Variants in DOCK5 observed in about 807,000 individuals in gnomAD.
DOCK5 encodes dedicator of cytokinesis protein 5.
DOCK5 carries 142 observed loss-of-function variants against 251.8 expected under a neutral mutation model. The observed-to-expected ratio is 0.56, with a 90% CI of 0.49 to 0.65. DOCK5 has a LOEUF of 0.65. Among genes scored for constraint, DOCK5 ranks in the 30% least tolerant of loss-of-function variants. The pLI is 0.00. For synonymous variants in DOCK5, 842 were observed against 835.5 expected (o/e 1.01, Z -0.13); for missense variants, 2,111 against 2,312.3 (o/e 0.91, Z 1.79).
intron 41 of DOCK5, among the ~76,000 whole-genome samples, chr8:25,389,730 C>A (rs1373515183): frequency 1.3e-5 from 2 of 152,142 alleles, no homozygotes; most frequent in African/African-American, 4.8e-5. Flanking sequence ...ATAAGAATAT[C>A]CCTCATGTAG....
At chr8:25,400,100 T>C (rs1801412030) in intron 46 of DOCK5, 106 bp downstream of exon 46, 2 of 870,018 alleles carry the variant, frequency 2.3e-6, no homozygotes, top group South Asian at 1.6e-5. Context: ...CTTTTCTTTC[T>C]TTTTTTAACC....
At chr8:25,324,858 C>A (rs1805522238) in intron 17 of DOCK5, among the ~76,000 whole-genome samples, 1 of 142,980 alleles carries the variant, frequency 7.0e-6, no homozygotes, top group African/African-American at 2.6e-5. Context: ...CATGTGTTCT[C>A]ATTGTTCAAT....
At chr8:25,376,873 C>T (rs2659584) in intron 37 of DOCK5, 149,287 of 152,806 alleles carry the variant, frequency 0.98, 73,011 homozygotes, top group Middle Eastern at 1. Context: ...ATTAATTGTT[C>T]TTCCTGCTGC....
intron 20 of DOCK5, 142 bp from the exon 21 acceptor site, chr8:25,333,954 C>T: frequency 1.5e-6 from 1 of 649,678 alleles, no homozygotes; most frequent in Non-Finnish European, 2.8e-6. Context: ...CAAGACTTGA[C>T]ATCAGCTCTG....
chr8:25,229,049 A>G (rs1428649052), intron 1 of DOCK5, among the ~76,000 whole-genome samples: 1 of 151,020 alleles, frequency 6.6e-6, no homozygotes, highest in Non-Finnish European at 1.5e-5. Context: ...TGGGCAACGT[A>G]GTAAGACCTC....
At chr8:25,253,794 G>A (rs1446680585) in intron 2 of DOCK5, among the ~76,000 whole-genome samples, 1 of 152,202 alleles carries the variant, frequency 6.6e-6, no homozygotes, top group Admixed American at 6.5e-5. Context: ...TGGGTAGGGA[G>A]ACTCAATGTC....
At chr8:25,395,898 C>T in intron 45 of DOCK5, 179 bp downstream of exon 45, 1 of 802,684 alleles carries the variant, frequency 1.2e-6, no homozygotes, top group Non-Finnish European at 2.1e-6. Flanking sequence ...AGACTATCAG[C>T]AACCCAGCTG....
chr8:25,299,120 C>G lies in DOCK5; in HGVS notation c.764+19C>G. On this transcript the variant is annotated intron_variant, in intron 8 of 51. Transcript: ENST00000276440. ...TTATCAGGTAGCAGAGACCCACATC[C>G]CCTGCTGCTGACCTAACAAAGATAC... 1 of 1,610,758 alleles carries G rather than the reference C, an allele frequency of 6.2e-7. No individual in the cohort carries two copies. The highest frequency in any genetic ancestry group is 8.5e-7 in the Non-Finnish European group (1 of 1,178,328).
chr8:25,262,822 AT>A lies in DOCK5; in HGVS notation c.128-6008del, dbSNP rs11386810. ...TCATAGAAAAGCAAATATAGATACA[AT>A]TTTTTTTTTTTTTTGAGACCGAGTC... On this transcript the variant is annotated intron_variant, in intron 2 of 51. Coordinates refer to ENST00000276440, the MANE Select transcript of DOCK5 (RefSeq NM_024940.8). Among the ~76,000 whole-genome samples, 267 of 143,750 alleles carry A rather than the reference AT, an allele frequency of 1.9e-3. 1 individual carries two copies. Among genetic ancestry groups the A allele is most frequent in the South Asian group, 2.0e-3 (9 of 4,510 alleles). The allele number at this position is 143,750 out of a possible 152,430, so 94.3% of individuals were successfully genotyped here.
chr8:25,190,721 G>A (rs929017283), intron 1 of DOCK5, among the ~76,000 whole-genome samples: 3 of 147,456 alleles, frequency 2.0e-5, no homozygotes, highest in South Asian at 2.1e-4. Context: ...ACACTGTACC[G>A]GATATTATAT....
At chr8:25,278,901 A>T (rs1804114593) in intron 5 of DOCK5, among the ~76,000 whole-genome samples, 1 of 152,206 alleles carries the variant, frequency 6.6e-6, no homozygotes, top group Non-Finnish European at 1.5e-5. Flanking sequence ...AATGATAAAC[A>T]TGCTGATTGT....
chr8:25,359,178 T>C, intron 28 of DOCK5, 117 bp downstream of exon 28: 1 of 811,792 alleles, frequency 1.2e-6, no homozygotes, highest in Admixed American at 2.1e-5. Flanking sequence ...TCCGGTGCTA[T>C]GTGGCTGTCC....
chr8:25,308,659 A>T (rs1805009167), intron 11 of DOCK5, 124 bp from the exon 12 acceptor site: 1 of 974,806 alleles, frequency 1.0e-6, no homozygotes, highest in African/African-American at 1.6e-5. Flanking sequence ...AAAGATAGAA[A>T]GATAGGGGTA....
rs142262406 is a variant in DOCK5, at chr8:25,317,100, C to G, written c.1412C>G (p.Ser471Cys). 1,031 of 1,613,890 alleles carry G rather than the reference C, an allele frequency of 6.4e-4. 4 individuals are homozygous for G. The highest frequency in any genetic ancestry group is 3.8e-4 in the East Asian group (17 of 44,872). ...CCAAAGAATGTGGAGGTGACGATGT[C>G]TGTGCACGATGAGGAGGGCAAGCTC... ...KTPKNVEVTM[S>C]VHDEEGKLLE... The change falls in exon 14 of 52, where the codon TCT becomes TGT. Residue 471 changes from serine (S) to cysteine (C), a missense_variant. Coordinates refer to ENST00000276440, the MANE Select transcript of DOCK5 (RefSeq NM_024940.8).
intron 40 of DOCK5, among the ~76,000 whole-genome samples, chr8:25,383,351 C>T (rs775589568): frequency 3.3e-5 from 5 of 152,164 alleles, no homozygotes; most frequent in South Asian, 4.1e-4. Context: ...TGAAAACAAG[C>T]GATAAAGCAA....
chr8:25,405,435 T>C (rs1352703277), intron 48 of DOCK5, among the ~76,000 whole-genome samples: 1 of 152,110 alleles, frequency 6.6e-6, no homozygotes, highest in South Asian at 2.1e-4. Flanking sequence ...CTTTTTGTTT[T>C]TTTTGAAATG....
At position 25,369,711 on chromosome 8, in the gene DOCK5, T is replaced by C; in HGVS notation, c.3524+70T>C. The C allele has an allele frequency of 2.2e-6, 3 of 1,361,316 alleles. No homozygotes were observed. In the South Asian group the frequency reaches 3.9e-5, roughly 18 times the overall value. The allele number at this position is 1,361,316 out of a possible 1,614,324, so 84.3% of individuals were successfully genotyped here. ...GTAATAGAGAAAAACAGGGGTCCTGTTTCACCAATAGAGCAATTGAGTAGT... is the reference window on the plus strand; with the variant it reads ...GTAATAGAGAAAAACAGGGGTCCTGCTTCACCAATAGAGCAATTGAGTAGT... On this transcript the variant is annotated intron_variant, in intron 34 of 51. Coordinates refer to ENST00000276440, the MANE Select transcript of DOCK5 (RefSeq NM_024940.8).
intron 37 of DOCK5, chr8:25,375,038 A>G (rs1800940356): frequency 9.6e-7 from 1 of 1,040,578 alleles, no homozygotes; most frequent in Non-Finnish European, 1.2e-6. Flanking sequence ...CCCTAAATAA[A>G]TGTATGTTGT....
intron 15 of DOCK5, among the ~76,000 whole-genome samples, 185 bp downstream of exon 15, chr8:25,319,861 A>G (rs746073267): frequency 2.0e-5 from 3 of 152,222 alleles, no homozygotes; most frequent in Non-Finnish European, 4.4e-5. Flanking sequence ...TAAGAAACTC[A>G]GTGATGTATG....
Sources: allele counts gnomAD v4.1 joint callset (sites outside exome capture counted in the v4.1 genomes callset), GRCh38; gene constraint gnomAD v4.1.1; transcripts MANE v1.5; gene names NCBI Gene and HGNC (gene_info 2026-07-23, HGNC 2026-07-21).